The following LYRM4 variants were observed in gnomAD, a reference collection of about 807,000 sequenced individuals.
LYRM4 encodes the protein LYR motif-containing protein 4.
A neutral mutation model predicts 11.7 loss-of-function variants in LYRM4; 9 were observed. The observed-to-expected ratio is 0.77, with a 90% confidence interval of 0.46 to 1.34. The LOEUF is 1.34. Ranked by LOEUF, LYRM4 falls within the 40% of genes most tolerant of loss-of-function variation. The probability of loss-of-function intolerance (pLI) is 0.00; values close to 1 mark genes in which losing one functional copy is unlikely to be tolerated. For missense variants in LYRM4, 133 were observed against 112.5 expected, an observed-to-expected ratio of 1.18 and a Z score of -0.82; for synonymous variants, 42 against 40.4, an observed-to-expected ratio of 1.04 and a Z score of -0.15.
intron 1 of LYRM4, among the ~76,000 whole-genome samples, chr6:5,221,248 G>C (rs1762561703): frequency 6.6e-6 from 1 of 152,156 alleles, no homozygotes; most frequent in Admixed American, 6.5e-5. Context: ...GCCAGTAATT[G>C]CATCTGTCAA....
At chr6:5,089,128 G>A in the LYRM4 span, 9 of 152,096 alleles carry the variant, frequency 5.9e-5, no homozygotes, top group African/African-American at 1.4e-4. Context: ...TTTTAAAAAT[G>A]GTCAATGGTC....
At chr6:5,140,354 A>G (rs1267926628) in intron 2 of LYRM4, among the ~76,000 whole-genome samples, 1 of 152,180 alleles carries the variant, frequency 6.6e-6, no homozygotes, top group East Asian at 1.9e-4. Context: ...TACTTTGTCT[A>G]AGGTTTGTCT....
chr6:5,175,907 G>C (rs1330469271), intron 2 of LYRM4, among the ~76,000 whole-genome samples: 1 of 152,102 alleles, frequency 6.6e-6, no homozygotes, highest in African/African-American at 2.4e-5. Context: ...TCCTGGCCTA[G>C]GCACCAGACC....
In LYRM4 at chr6:5,186,705, C is replaced by T. The variant is rs182220319; in HGVS notation, c.207+29913G>A. The stretch of plus-strand genomic sequence containing the variant: ...CTACATAAAAATTATAATTGTCTGC[C>T]GGGCACAGTGGTTCACACCTGTAAT... On this transcript the variant is annotated intron_variant, in intron 2 of 2. Transcript: ENST00000330636. 3.9e-4 allele frequency: 383 copies of T among 988,570 alleles called. 2 individuals are homozygous for T. The highest frequency in any genetic ancestry group is 1.5e-3 in the Middle Eastern group (3 of 1,940). 61.2% of individuals were successfully genotyped at this position (988,570 alleles called of 1,614,324 possible).
chr6:5,094,686 GTCTGT>G, the LYRM4 span, among the ~76,000 whole-genome samples: 2 of 152,150 alleles, frequency 1.3e-5, no homozygotes, highest in Non-Finnish European at 2.9e-5. Flanking sequence ...GCTTGAAAAT[GTCTGT>G]TCAATTCTGA....
the LYRM4 span, chr6:5,088,337 C>T: frequency 2.0e-5 from 3 of 152,198 alleles, no homozygotes; most frequent in Admixed American, 1.3e-4. Flanking sequence ...TCAGGTGATC[C>T]ACCCGCCTTG....
Position 5,154,289 on chromosome 6 carries a change from T to C in LYRM4, c.208-44798A>G, listed in dbSNP as rs140810420. On this transcript the variant is annotated intron_variant, in intron 2 of 2. Transcript: ENST00000330636. ...AATGTAATGCAGTAGAATGAAACAG[T>C]AGAAGGAACTCCATATAACACCTGC... Among the ~76,000 whole-genome samples the C allele has an allele frequency of 9.7e-4, 148 of 152,220 alleles. 1 individual carries two copies. In the East Asian group the frequency reaches 0.025, roughly 26 times the overall value.
intron 2 of LYRM4, among the ~76,000 whole-genome samples, chr6:5,183,248 T>C (rs1158177841): frequency 6.6e-6 from 1 of 152,178 alleles, no homozygotes; most frequent in Non-Finnish European, 1.5e-5. Context: ...ATTCCACCTT[T>C]CCTATGATGC....
chr6:5,061,209 C>T, the LYRM4 span, among the ~76,000 whole-genome samples: 2 of 152,030 alleles, frequency 1.3e-5, no homozygotes, highest in African/African-American at 4.8e-5. Flanking sequence ...TTCTATTTTT[C>T]TGATTTTAAT....
At chr6:5,229,770 T>A (rs1198847891) in intron 1 of LYRM4, among the ~76,000 whole-genome samples, 1 of 152,122 alleles carries the variant, frequency 6.6e-6, no homozygotes, top group African/African-American at 2.4e-5. Flanking sequence ...TTCTATGGGG[T>A]CTGTTGAAAG....
At chr6:5,200,128 C>G (rs1259781761) in intron 2 of LYRM4, among the ~76,000 whole-genome samples, 1 of 152,160 alleles carries the variant, frequency 6.6e-6, no homozygotes, top group Non-Finnish European at 1.5e-5. Flanking sequence ...TGGGAAAATG[C>G]CTGCTATAAA....
intron 1 of LYRM4, among the ~76,000 whole-genome samples, chr6:5,228,091 G>T (rs1762999655): frequency 6.6e-6 from 1 of 152,076 alleles, no homozygotes; most frequent in Non-Finnish European, 1.5e-5. Context: ...CATGGCACTT[G>T]TATACCCATG....
At chr6:5,175,047 T>C (rs139747948) in intron 2 of LYRM4, among the ~76,000 whole-genome samples, 184 of 152,348 alleles carry the variant, frequency 1.2e-3, no homozygotes, top group African/African-American at 4.2e-3. Flanking sequence ...AAGAATTCTT[T>C]GCAAATATGA....
the LYRM4 span, chr6:5,066,194 G>A: frequency 1.4e-5 from 10 of 695,170 alleles, no homozygotes; most frequent in Non-Finnish European, 2.7e-5. Context: ...GCCTCCATGT[G>A]CAGAACCTTA....
chr6:5,151,954 G>A (rs1758115322), intron 2 of LYRM4, among the ~76,000 whole-genome samples: 1 of 152,150 alleles, frequency 6.6e-6, no homozygotes. Flanking sequence ...TCCCTGGCTG[G>A]ATGACAGGCT....
At chr6:5,077,555 T>G in the LYRM4 span, among the ~76,000 whole-genome samples, 1 of 152,202 alleles carries the variant, frequency 6.6e-6, no homozygotes, top group Non-Finnish European at 1.5e-5. Context: ...TTTACCATGA[T>G]GAGTATTTAC....
At chr6:5,229,367 C>A (rs1236105354) in intron 1 of LYRM4, among the ~76,000 whole-genome samples, 1 of 152,084 alleles carries the variant, frequency 6.6e-6, no homozygotes, top group Non-Finnish European at 1.5e-5. Flanking sequence ...CCAAAGCGGG[C>A]GATTGTCTTC....
chr6:5,166,773 A>G (rs1207429343), intron 2 of LYRM4, among the ~76,000 whole-genome samples: 1 of 152,232 alleles, frequency 6.6e-6, no homozygotes, highest in Non-Finnish European at 1.5e-5. Flanking sequence ...GCTCGCTTGG[A>G]TGAACTGGGA....
At chr6:5,119,827 C>CAAAAA (rs1763336908) in intron 2 of LYRM4, among the ~76,000 whole-genome samples, 1 of 138,344 alleles carries the variant, frequency 7.2e-6, no homozygotes, top group African/African-American at 2.7e-5. Context: ...AAAACAACCA[C>CAAAAA]AAAAAAGGCC....
Sources: allele counts gnomAD v4.1 joint callset (sites outside exome capture counted in the v4.1 genomes callset), GRCh38; gene constraint gnomAD v4.1.1; transcripts MANE v1.5; gene names NCBI Gene and HGNC (gene_info 2026-07-23, HGNC 2026-07-21).